The following PTPN4 variants were observed in gnomAD, a reference collection of about 807,000 sequenced individuals.
PTPN4 encodes the protein tyrosine-protein phosphatase non-receptor type 4.
In PTPN4, 49 loss-of-function variants were observed where a neutral mutation model predicts 135.5. That is an observed-to-expected ratio of 0.36 (90% CI 0.29 to 0.46). PTPN4 has a LOEUF of 0.46. Ranked by LOEUF, PTPN4 falls within the 20% of genes least tolerant of loss-of-function variation. The probability of loss-of-function intolerance (pLI) is 1.00; values close to 1 mark genes in which losing one functional copy is unlikely to be tolerated. For synonymous variants in PTPN4, 333 were observed against 369.9 expected (o/e 0.90, Z 1.14); for missense variants, 860 against 1,101.0 (o/e 0.78, Z 3.10).
intron 9 of PTPN4, among the ~76,000 whole-genome samples, chr2:119,896,455 G>A (rs72838966): frequency 1.5e-4 from 23 of 152,236 alleles, no homozygotes; most frequent in Non-Finnish European, 2.6e-4. Flanking sequence ...ATAATTTGCT[G>A]TCCTCTCTAT....
At chr2:119,825,133 A>G (rs1314481186) in intron 2 of PTPN4, among the ~76,000 whole-genome samples, 2 of 152,134 alleles carry the variant, frequency 1.3e-5, no homozygotes, top group African/African-American at 2.4e-5. Flanking sequence ...TTGTTTTTCA[A>G]TGTGTTGTCC....
At position 119,903,057 on chromosome 2, in the gene PTPN4, C is replaced by T. The variant is rs137913867; in HGVS notation, c.764+2251C>T. Among the ~76,000 whole-genome samples, 656 of 152,274 alleles carry T rather than the reference C, an allele frequency of 4.3e-3. 4 individuals carry two copies. The highest frequency in any genetic ancestry group is 5.6e-3 in the Non-Finnish European group (379 of 68,028). On this transcript the variant is annotated intron_variant, in intron 10 of 26. Transcript: ENST00000263708. The stretch of plus-strand genomic sequence containing the variant: ...GCTGCAAAGTTGCAAGACTTAACTG[C>T]ACCCAGGATACAGCTAGGTCCTCGA...
chr2:119,911,742 G>A (rs1270327915), intron 10 of PTPN4, among the ~76,000 whole-genome samples: 1 of 152,070 alleles, frequency 6.6e-6, no homozygotes, highest in Non-Finnish European at 1.5e-5. Context: ...TATATATATA[G>A]ATTGGCTGAA....
chr2:119,830,656 C>T (rs142110418), intron 2 of PTPN4, among the ~76,000 whole-genome samples: 7 of 152,144 alleles, frequency 4.6e-5, no homozygotes, highest in South Asian at 2.1e-4. Context: ...TTAGTAGAGA[C>T]GGGGTTTCAC....
intron 1 of PTPN4, among the ~76,000 whole-genome samples, chr2:119,766,274 T>C (rs775907386): frequency 4.6e-5 from 7 of 152,100 alleles, no homozygotes; most frequent in Non-Finnish European, 7.4e-5. Flanking sequence ...TATTAGAAAG[T>C]TTATGGTTCC....
chr2:119,833,799 G>A (rs1003915165), intron 2 of PTPN4, among the ~76,000 whole-genome samples: 2 of 152,106 alleles, frequency 1.3e-5, no homozygotes, highest in Non-Finnish European at 2.9e-5. Context: ...CCATTTGGAG[G>A]CAGAAAAACT....
chr2:119,845,125 A>G (rs368226824), intron 2 of PTPN4, among the ~76,000 whole-genome samples: 60,250 of 144,130 alleles, frequency 0.42, 14,174 homozygotes, highest in African/African-American at 0.66. Flanking sequence ...GCCTGCAATC[A>G]CAGGCACTGG....
chr2:119,819,365 T>C (rs2104954612), intron 2 of PTPN4, among the ~76,000 whole-genome samples: 1 of 152,346 alleles, frequency 6.6e-6, no homozygotes, highest in Middle Eastern at 3.4e-3. Flanking sequence ...CAATACCAGC[T>C]ACTCTATATG....
At chr2:119,971,871 T>TTG (rs1679539177) in intron 26 of PTPN4, among the ~76,000 whole-genome samples, 2 of 152,274 alleles carry the variant, frequency 1.3e-5, no homozygotes, top group African/African-American at 4.8e-5. Flanking sequence ...GGTTACCCAC[T>TTG]TGTCCCAGCA....
intron 20 of PTPN4, among the ~76,000 whole-genome samples, chr2:119,956,489 T>C (rs1220998697): frequency 2.0e-5 from 3 of 152,192 alleles, no homozygotes; most frequent in Non-Finnish European, 4.4e-5. Flanking sequence ...GATATGTCTG[T>C]TTTTGTTCAA....
chr2:119,895,570 C>T (rs761416611), intron 9 of PTPN4, among the ~76,000 whole-genome samples: 7 of 151,424 alleles, frequency 4.6e-5, no homozygotes, highest in Admixed American at 3.9e-4. Context: ...AACCTGGGAG[C>T]GGAGGTTGCA....
chr2:119,878,875 C>G (rs181045886), intron 5 of PTPN4, among the ~76,000 whole-genome samples: 24 of 151,754 alleles, frequency 1.6e-4, no homozygotes, highest in African/African-American at 5.8e-4. Context: ...GGGCGGATCA[C>G]GAGGTCAGGA....
At chr2:119,861,410 C>G (rs1163803386) in intron 2 of PTPN4, among the ~76,000 whole-genome samples, 2 of 152,152 alleles carry the variant, frequency 1.3e-5, no homozygotes, top group African/African-American at 4.8e-5. Context: ...CAAACCATTG[C>G]ACATATTTTT....
chr2:119,977,217 T>A lies in PTPN4; in HGVS notation c.*147T>A. On this transcript the variant is annotated 3_prime_UTR_variant, in exon 27 of 27. Transcript: ENST00000263708. ...TGAAAACTTCAGCACTGTTGCACTTTATGTTTTAAAAAATGTCACTCTTTC... is the reference window on the plus strand; with the variant it reads ...TGAAAACTTCAGCACTGTTGCACTTAATGTTTTAAAAAATGTCACTCTTTC... 1 of 1,264,942 alleles carries A rather than the reference T, an allele frequency of 7.9e-7. No individual in the cohort carries two copies. Among genetic ancestry groups the A allele is most frequent in the Non-Finnish European group, 1.0e-6 (1 of 982,530 alleles). 78.4% of individuals were successfully genotyped at this position (1,264,942 alleles called of 1,614,324 possible). A position where few individuals can be genotyped will look rare whatever the true frequency, so the allele number is the denominator to read the frequency against.
chr2:119,886,318 G>A (rs1678154230), intron 9 of PTPN4, among the ~76,000 whole-genome samples: 1 of 152,074 alleles, frequency 6.6e-6, no homozygotes, highest in South Asian at 2.1e-4. Context: ...GCACAACATG[G>A]AGCATATTAA....
intron 15 of PTPN4, among the ~76,000 whole-genome samples, chr2:119,942,215 G>C (rs2105045008): frequency 6.6e-6 from 1 of 152,262 alleles, no homozygotes; most frequent in Admixed American, 6.5e-5. Flanking sequence ...CAGAAGTAGA[G>C]ATTCAACAGT....
intron 2 of PTPN4, among the ~76,000 whole-genome samples, chr2:119,829,527 T>A (rs55654325): frequency 6.6e-6 from 1 of 152,048 alleles, no homozygotes; most frequent in Non-Finnish European, 1.5e-5. Flanking sequence ...TTTGTTTCTC[T>A]ATGAATTTAC....
intron 1 of PTPN4, among the ~76,000 whole-genome samples, chr2:119,796,437 A>C (rs1691261820): frequency 6.6e-6 from 1 of 152,198 alleles, no homozygotes; most frequent in South Asian, 2.1e-4. Flanking sequence ...GTAGAATTTT[A>C]TATAAATGGA....
chr2:119,818,143 T>C (rs1341783089), intron 2 of PTPN4, among the ~76,000 whole-genome samples: 4 of 152,224 alleles, frequency 2.6e-5, no homozygotes, highest in Non-Finnish European at 5.9e-5. Flanking sequence ...CCTATTTGGA[T>C]ACCATTTTTT....
Sources: allele counts gnomAD v4.1 joint callset (sites outside exome capture counted in the v4.1 genomes callset), GRCh38; gene constraint gnomAD v4.1.1; transcripts MANE v1.5; gene names NCBI Gene and HGNC (gene_info 2026-07-23, HGNC 2026-07-21).